The following BTBD9 variants were observed in gnomAD, a reference collection of about 807,000 sequenced individuals.
BTBD9 encodes the protein BTB/POZ domain-containing protein 9.
A neutral mutation model predicts 64.3 loss-of-function variants in BTBD9; 49 were observed. The ratio of observed to expected loss-of-function variants is 0.76; its 90% CI spans 0.61 to 0.97. BTBD9 has a LOEUF of 0.97. BTBD9 is among the 50% of genes least tolerant of loss of function. The probability of loss-of-function intolerance (pLI) is 0.00; values close to 1 mark genes in which losing one functional copy is unlikely to be tolerated. For missense variants in BTBD9, 598 were observed against 762.1 expected (o/e 0.78, Z 2.53); for synonymous variants, 260 against 274.7 (o/e 0.95, Z 0.53).
At chr6:38,298,077 G>A (rs1561989735) in intron 7 of BTBD9, among the ~76,000 whole-genome samples, 2 of 151,208 alleles carry the variant, frequency 1.3e-5, no homozygotes, top group African/African-American at 2.4e-5. Context: ...GGATGGTCTC[G>A]ACCTCCTGAC....
At chr6:38,250,034 T>C (rs1324551106) in intron 9 of BTBD9, among the ~76,000 whole-genome samples, 1 of 152,182 alleles carries the variant, frequency 6.6e-6, no homozygotes, top group African/African-American at 2.4e-5. Context: ...TCAGGGGTAA[T>C]TTTTTAAAAT....
rs938890125 is a variant in BTBD9, at chr6:38,353,606, T to C, written c.1155-8513A>G. On this transcript the variant is annotated intron_variant, in intron 6 of 10. Transcript: ENST00000481247. ...AAACCAAGAAGTATACTTTAAGAAA[T>C]AGAACTAATTTACCAAAAGTTCAAC... 2.6e-5 allele frequency among the ~76,000 whole-genome samples: 4 copies of C among 152,292 alleles called. No individual in the cohort carries two copies. In the East Asian group the frequency reaches 5.8e-4, roughly 22 times the overall value.
chr6:38,405,240 T>C (rs1451726473), intron 6 of BTBD9, among the ~76,000 whole-genome samples: 2 of 152,046 alleles, frequency 1.3e-5, no homozygotes, highest in African/African-American at 4.8e-5. Context: ...TGTGACTACA[T>C]GTGTATCACT....
chr6:38,308,186 A>G (rs1022612814), intron 7 of BTBD9, among the ~76,000 whole-genome samples: 1 of 152,260 alleles, frequency 6.6e-6, no homozygotes, highest in Non-Finnish European at 1.5e-5. Context: ...CCACTGCAGT[A>G]TATCAAAGAG....
intron 1 of BTBD9, among the ~76,000 whole-genome samples, chr6:38,598,735 T>C (rs575907537): frequency 6.6e-6 from 1 of 152,024 alleles, no homozygotes; most frequent in East Asian, 1.9e-4. Flanking sequence ...CTGACCAACA[T>C]GGAGAAACCC....
At chr6:38,261,889 T>C (rs765766697) in intron 8 of BTBD9, among the ~76,000 whole-genome samples, 1 of 152,226 alleles carries the variant, frequency 6.6e-6, no homozygotes, top group Non-Finnish European at 1.5e-5. Context: ...TCAACCTACA[T>C]GTTGAAGTTT....
intron 9 of BTBD9, among the ~76,000 whole-genome samples, chr6:38,226,773 ACTCACAGAGTTAC>A (rs1763407190): frequency 6.6e-6 from 1 of 152,226 alleles, no homozygotes; most frequent in Admixed American, 6.5e-5. Flanking sequence ...ACACACACGC[ACTCACAGAGTTAC>A]CTCCACTGAC....
chr6:38,422,857 T>A (rs1272344717), intron 6 of BTBD9, among the ~76,000 whole-genome samples: 1 of 152,110 alleles, frequency 6.6e-6, no homozygotes, highest in Admixed American at 6.5e-5. Flanking sequence ...CTCAGCACTT[T>A]GGGAGGCTGA....
chr6:38,501,181 A>C (rs1211490273), intron 6 of BTBD9, among the ~76,000 whole-genome samples: 1 of 152,168 alleles, frequency 6.6e-6, no homozygotes, highest in African/African-American at 2.4e-5. Context: ...GAAGACAGAG[A>C]ACACCTGACG....
At chr6:38,194,946 C>T (rs1347596588) in intron 9 of BTBD9, among the ~76,000 whole-genome samples, 1 of 152,174 alleles carries the variant, frequency 6.6e-6, no homozygotes. Context: ...CAATTTAATA[C>T]CAATCTTCCA....
At chr6:38,389,652 G>A (rs1449837731) in intron 6 of BTBD9, among the ~76,000 whole-genome samples, 1 of 152,124 alleles carries the variant, frequency 6.6e-6, no homozygotes, top group African/African-American at 2.4e-5. Flanking sequence ...ATTGTCAGCT[G>A]ACATGACACA....
At chr6:38,362,862 CAAAG>C (rs1765018975) in intron 6 of BTBD9, among the ~76,000 whole-genome samples, 1 of 152,028 alleles carries the variant, frequency 6.6e-6, no homozygotes, top group African/African-American at 2.4e-5. Context: ...ACATAATCAC[CAAAG>C]AGATAAAAAT....
chr6:38,229,133 G>T (rs1386618280), intron 9 of BTBD9, among the ~76,000 whole-genome samples: 1 of 151,958 alleles, frequency 6.6e-6, no homozygotes, highest in African/African-American at 2.4e-5. Flanking sequence ...GGGAGGTGGA[G>T]GTTGCAGTGA....
intron 7 of BTBD9, among the ~76,000 whole-genome samples, chr6:38,314,385 CG>C: frequency 6.6e-6 from 1 of 151,368 alleles, no homozygotes; most frequent in African/African-American, 2.4e-5. Flanking sequence ...TTAGTAGAGA[CG>C]GGGTTTCACC....
intron 9 of BTBD9, among the ~76,000 whole-genome samples, chr6:38,236,170 C>T (rs1372061629): frequency 6.6e-6 from 1 of 152,178 alleles, no homozygotes; most frequent in Non-Finnish European, 1.5e-5. Context: ...ACTACTTTTC[C>T]ATACCCTCTT....
intron 7 of BTBD9, among the ~76,000 whole-genome samples, chr6:38,340,372 C>T (rs1250697531): frequency 6.6e-6 from 1 of 152,092 alleles, no homozygotes; most frequent in African/African-American, 2.4e-5. Flanking sequence ...AAACCTAGTA[C>T]ATCTTGTTAT....
At chr6:38,377,375 G>A (rs1765732501) in intron 6 of BTBD9, among the ~76,000 whole-genome samples, 1 of 151,992 alleles carries the variant, frequency 6.6e-6, no homozygotes, top group Non-Finnish European at 1.5e-5. Context: ...CTCTATTCAG[G>A]GATGAAAGGA....
At chr6:38,192,669 C>A (rs1762129092) in intron 9 of BTBD9, 72 bp from the exon 10 acceptor site, 2 of 1,371,650 alleles carry the variant, frequency 1.5e-6, no homozygotes, top group Non-Finnish European at 2.1e-6. Flanking sequence ...CCGATGGAGT[C>A]ATGTCCACTG....
chr6:38,217,621 G>A (rs1313513685), intron 9 of BTBD9, among the ~76,000 whole-genome samples: 1 of 151,928 alleles, frequency 6.6e-6, no homozygotes, highest in Non-Finnish European at 1.5e-5. Context: ...GGAACAGAAT[G>A]TCTAACAGAC....
Sources: allele counts gnomAD v4.1 joint callset (sites outside exome capture counted in the v4.1 genomes callset), GRCh38; gene constraint gnomAD v4.1.1; transcripts MANE v1.5; gene names NCBI Gene and HGNC (gene_info 2026-07-23, HGNC 2026-07-21).